The following OR2L13 variants were observed in gnomAD, a reference collection of about 807,000 sequenced individuals.
OR2L13 encodes olfactory receptor 2L13.
In OR2L13, 14 loss-of-function variants were observed where a neutral mutation model predicts 15.3. That is an observed-to-expected ratio of 0.91 (90% CI 0.60 to 1.43). The LOEUF is 1.43. Among genes scored for constraint, OR2L13 ranks in the 40% most tolerant of loss-of-function variants. The pLI is 0.00. For synonymous variants in OR2L13, 152 were observed against 142.9 expected (o/e 1.06, Z -0.45); for missense variants, 367 against 387.9 (o/e 0.95, Z 0.45).
the OR2L13 span, among the ~76,000 whole-genome samples, chr1:248,004,449 C>T: frequency 6.6e-6 from 1 of 152,004 alleles, no homozygotes; most frequent in Non-Finnish European, 1.5e-5. Flanking sequence ...ATGTCTAAAA[C>T]AAAAAAATAT....
At chr1:247,984,990 C>A in the OR2L13 span, among the ~76,000 whole-genome samples, 2 of 152,030 alleles carry the variant, frequency 1.3e-5, no homozygotes, top group African/African-American at 4.8e-5. Context: ...CAATATTTGC[C>A]TCTTCATGGC....
the OR2L13 span, chr1:247,939,380 G>A: frequency 6.6e-6 from 1 of 152,134 alleles, no homozygotes; most frequent in Non-Finnish European, 1.5e-5. Flanking sequence ...GCATGGAAAA[G>A]GTCATTTTCC....
chr1:248,017,694 A>T, the OR2L13 span, among the ~76,000 whole-genome samples: 1 of 151,938 alleles, frequency 6.6e-6, no homozygotes. Context: ...TGTCTTTTCT[A>T]CCCGGTGGTC....
At chr1:247,991,111 C>G in the OR2L13 span, 8 of 1,605,640 alleles carry the variant, frequency 5.0e-6, no homozygotes, top group Non-Finnish European at 6.8e-6. Context: ...CATCCTCACT[C>G]CAATGCTCAA....
chr1:248,019,785 C>T, the OR2L13 span, among the ~76,000 whole-genome samples: 1 of 151,494 alleles, frequency 6.6e-6, no homozygotes, highest in African/African-American at 2.4e-5. Flanking sequence ...TGTTCTGCTT[C>T]TTTCTTCTTC....
At chr1:248,004,070 A>T in the OR2L13 span, 5 of 1,601,836 alleles carry the variant, frequency 3.1e-6, no homozygotes, top group South Asian at 4.5e-5. Flanking sequence ...GAAAATGTAG[A>T]AACACTTTCT....
At chr1:248,081,391 G>A in the OR2L13 span, among the ~76,000 whole-genome samples, 4 of 151,946 alleles carry the variant, frequency 2.6e-5, no homozygotes, top group African/African-American at 9.7e-5. Flanking sequence ...TTCCGTTTTT[G>A]TTGTTGTCGT....
chr1:248,072,086 C>A, the OR2L13 span, among the ~76,000 whole-genome samples: 2 of 151,764 alleles, frequency 1.3e-5, no homozygotes, highest in Non-Finnish European at 3.0e-5. Context: ...CCATCCCCAT[C>A]AAGCTACCAA....
At chr1:248,061,755 TG>T in the OR2L13 span, 1 of 778,532 alleles carries the variant, frequency 1.3e-6, no homozygotes, top group Non-Finnish European at 1.9e-6. Context: ...CACTGATTTC[TG>T]GACAAAATTG....
the OR2L13 span, chr1:248,022,565 T>G: frequency 6.2e-7 from 1 of 1,614,146 alleles, no homozygotes; most frequent in Non-Finnish European, 8.5e-7. Flanking sequence ...CCATCTTTCT[T>G]GTGTTTCCCT....
the OR2L13 span, chr1:247,948,810 G>C: frequency 2.0e-6 from 3 of 1,492,410 alleles, no homozygotes; most frequent in East Asian, 2.3e-5. Flanking sequence ...ATTACTGTAC[G>C]TAAATTACTC....
chr1:247,984,770 T>C, the OR2L13 span, among the ~76,000 whole-genome samples: 5 of 152,170 alleles, frequency 3.3e-5, no homozygotes, highest in Non-Finnish European at 7.3e-5. Context: ...ATTTTAAGTG[T>C]GGAATTCGGT....
chr1:248,020,530 G>A, the OR2L13 span, among the ~76,000 whole-genome samples: 3 of 152,224 alleles, frequency 2.0e-5, no homozygotes, highest in East Asian at 5.8e-4. Context: ...AATGAAATTG[G>A]CATATGGATA....
At chr1:247,975,102 A>G in the OR2L13 span, 2 of 360,956 alleles carry the variant, frequency 5.5e-6, no homozygotes, top group Admixed American at 6.8e-5. Context: ...GCCTGTGATC[A>G]TTATGTAGCT....
chr1:247,985,384 G>C, the OR2L13 span, among the ~76,000 whole-genome samples: 54 of 152,030 alleles, frequency 3.6e-4, no homozygotes, highest in African/African-American at 1.3e-3. Context: ...CCTTGCAATA[G>C]TTTGCTGAGA....
the OR2L13 span, among the ~76,000 whole-genome samples, chr1:248,004,285 C>T: frequency 6.6e-6 from 1 of 152,128 alleles, no homozygotes; most frequent in Admixed American, 6.5e-5. Context: ...ATTTTGAAAG[C>T]ACATACTTTT....
chr1:248,056,057 T>G, the OR2L13 span: 1 of 152,260 alleles, frequency 6.6e-6, no homozygotes, highest in Non-Finnish European at 1.5e-5. Context: ...TTTATTTGCA[T>G]AGAGGTGCTT....
the OR2L13 span, among the ~76,000 whole-genome samples, chr1:248,044,404 T>A: frequency 6.6e-6 from 1 of 152,202 alleles, no homozygotes; most frequent in South Asian, 2.1e-4. Context: ...ACTGACTCAG[T>A]GCAGGATGCA....
chr1:247,977,656 G>T, the OR2L13 span, among the ~76,000 whole-genome samples: 1 of 152,130 alleles, frequency 6.6e-6, no homozygotes, highest in Admixed American at 6.6e-5. Flanking sequence ...GCCTACTTCC[G>T]TATGACTGCT....
Sources: gnomAD v4.1 joint callset for allele counts (sites outside exome capture counted in the v4.1 genomes callset) on GRCh38, gnomAD v4.1.1 for gene constraint, MANE v1.5 for transcripts, NCBI Gene and HGNC (gene_info 2026-07-23, HGNC 2026-07-21) for gene names.